The following TENM2 variants were observed in gnomAD, a reference collection of about 807,000 sequenced individuals.
TENM2 encodes teneurin-2.
TENM2 carries 52 observed loss-of-function variants against 245.2 expected under a neutral mutation model. The observed-to-expected ratio is 0.21, with a 90% CI of 0.17 to 0.27. The LOEUF (loss-of-function observed/expected upper bound fraction) is 0.27, where lower values mean the gene tolerates loss of function less well. Ranked by LOEUF, TENM2 falls within the 10% of genes least tolerant of loss-of-function variation. The probability of loss-of-function intolerance (pLI) is 1.00; values close to 1 mark genes in which losing one functional copy is unlikely to be tolerated. For synonymous variants in TENM2, 1,363 were observed against 1,438.9 expected, an observed-to-expected ratio of 0.95 and a Z score of 1.19; for missense variants, 3,046 against 3,666.8, an observed-to-expected ratio of 0.83 and a Z score of 4.37.
At chr5:167,809,790 G>C (rs78709134) in intron 2 of TENM2, among the ~76,000 whole-genome samples, 1 of 152,012 alleles carries the variant, frequency 6.6e-6, no homozygotes, top group Non-Finnish European at 1.5e-5. Flanking sequence ...ATTGAAATGC[G>C]ATCTTTATAT....
At chr5:167,395,197 C>G (rs1761983691) in intron 2 of TENM2, among the ~76,000 whole-genome samples, 1 of 152,222 alleles carries the variant, frequency 6.6e-6, no homozygotes, top group South Asian at 2.1e-4. Context: ...TTTCACTGTA[C>G]AAGTCGTTCA....
At chr5:167,519,940 G>A (rs1419725183) in intron 2 of TENM2, among the ~76,000 whole-genome samples, 8 of 152,234 alleles carry the variant, frequency 5.3e-5, no homozygotes, top group African/African-American at 1.9e-4. Context: ...TTCAGATGTA[G>A]CAAATGAATA....
chr5:168,138,451 T>C (rs1755256276), intron 12 of TENM2, among the ~76,000 whole-genome samples: 1 of 152,194 alleles, frequency 6.6e-6, no homozygotes. Context: ...CTAAGAAAAT[T>C]GTAGAGATAG....
chr5:167,230,838 G>T, the TENM2 span, among the ~76,000 whole-genome samples: 1 of 152,136 alleles, frequency 6.6e-6, no homozygotes, highest in Non-Finnish European at 1.5e-5. Context: ...AAAGTGATAT[G>T]GTTACGCTAT....
At chr5:168,183,736 A>G (rs1760135500) in intron 13 of TENM2, among the ~76,000 whole-genome samples, 1 of 151,888 alleles carries the variant, frequency 6.6e-6, no homozygotes, top group South Asian at 2.1e-4. Context: ...CACGGGGTTC[A>G]CCACCTGACT....
chr5:167,869,423 G>A (rs1035373), intron 2 of TENM2, among the ~76,000 whole-genome samples: 12,085 of 152,182 alleles, frequency 0.079, 517 homozygotes, highest in East Asian at 0.14. Context: ...CTTACCTTTG[G>A]GTATGTTATT....
At chr5:167,811,861 C>G (rs184218978) in intron 2 of TENM2, among the ~76,000 whole-genome samples, 1 of 152,232 alleles carries the variant, frequency 6.6e-6, no homozygotes, top group Admixed American at 6.5e-5. Context: ...AGGATAATCA[C>G]AACTGTAAAA....
intron 1 of TENM2, among the ~76,000 whole-genome samples, chr5:167,334,285 T>TA (rs990993661): frequency 6.6e-6 from 1 of 152,152 alleles, no homozygotes; most frequent in African/African-American, 2.4e-5. Flanking sequence ...TAACCAAACT[T>TA]AAAAACTGAC....
chr5:167,795,408 T>C (rs867224789), intron 2 of TENM2, among the ~76,000 whole-genome samples: 2 of 152,168 alleles, frequency 1.3e-5, no homozygotes, highest in African/African-American at 4.8e-5. Flanking sequence ...AATGGTGATA[T>C]GTAAAATCAG....
chr5:168,062,139 A>G, exon 7 of TENM2: 1 of 1,613,612 alleles, frequency 6.2e-7, no homozygotes, highest in East Asian at 2.2e-5. Flanking sequence ...AAGTCCCACC[A>G]GGGGTGTTTT....
the TENM2 span, among the ~76,000 whole-genome samples, chr5:167,226,002 G>C: frequency 1.3e-5 from 2 of 151,864 alleles, no homozygotes; most frequent in Non-Finnish European, 2.9e-5. Flanking sequence ...TGTTGTATCA[G>C]TTGTAATGCA....
chr5:167,012,478 G>A, the TENM2 span, among the ~76,000 whole-genome samples: 1 of 152,234 alleles, frequency 6.6e-6, no homozygotes, highest in Non-Finnish European at 1.5e-5. Context: ...AGCACAGTGT[G>A]TGTAGACAGT....
At chr5:167,393,101 G>A (rs541418237) in intron 2 of TENM2, among the ~76,000 whole-genome samples, 15 of 149,482 alleles carry the variant, frequency 1.0e-4, no homozygotes, top group African/African-American at 2.2e-4. Flanking sequence ...CAGCATGGGC[G>A]ACAGAGCAAG....
chr5:168,259,739 A>C (rs909681706), intron 27 of TENM2, among the ~76,000 whole-genome samples: 2 of 152,188 alleles, frequency 1.3e-5, no homozygotes, highest in African/African-American at 2.4e-5. Flanking sequence ...AACAGTAAGA[A>C]TCATCACTTA....
intron 10 of TENM2, 71 bp from the exon 13 acceptor site, chr5:168,124,779 A>G (rs1795720370): frequency 5.6e-6 from 8 of 1,431,834 alleles, no homozygotes; most frequent in African/African-American, 2.8e-5. Context: ...CAGCAAGCCC[A>G]TGTCTCATGG....
intron 2 of TENM2, among the ~76,000 whole-genome samples, chr5:167,413,857 A>G (rs1190011393): frequency 3.3e-5 from 5 of 152,222 alleles, no homozygotes; most frequent in Non-Finnish European, 7.3e-5. Flanking sequence ...ATTAGGTGGC[A>G]TAAACTGCAA....
intron 4 of TENM2, among the ~76,000 whole-genome samples, chr5:167,982,588 A>T (rs886706243): frequency 2.0e-5 from 3 of 152,016 alleles, no homozygotes; most frequent in Non-Finnish European, 2.9e-5. Context: ...ATTTTTTTAG[A>T]GGAGGCATCT....
chr5:167,976,948 G>A (rs1056775200), intron 4 of TENM2, among the ~76,000 whole-genome samples: 1 of 152,182 alleles, frequency 6.6e-6, no homozygotes, highest in Non-Finnish European at 1.5e-5. Context: ...ACTAGATAAA[G>A]AAGATGTGGT....
At chr5:168,164,270 A>C (rs1221165277) in intron 13 of TENM2, among the ~76,000 whole-genome samples, 1 of 152,194 alleles carries the variant, frequency 6.6e-6, no homozygotes, top group East Asian at 1.9e-4. Flanking sequence ...TTTTGGTTTT[A>C]AGAGTTTTTG....
Sources: gnomAD v4.1 joint callset for allele counts (sites outside exome capture counted in the v4.1 genomes callset) on GRCh38, gnomAD v4.1.1 for gene constraint, MANE v1.5 for transcripts, NCBI Gene and HGNC (gene_info 2026-07-23, HGNC 2026-07-21) for gene names.